RYK: variants seen among roughly 807,000 people sequenced by gnomAD.
The protein encoded by RYK is inactive tyrosine-protein kinase RYK.
In RYK, 21 loss-of-function variants were observed where a neutral mutation model predicts 70.2. That is an observed-to-expected ratio of 0.30 (90% CI 0.21 to 0.43). The LOEUF (loss-of-function observed/expected upper bound fraction) is 0.43, where lower values mean the gene tolerates loss of function less well. Among genes scored for constraint, RYK ranks in the 20% least tolerant of loss-of-function variants. The probability of loss-of-function intolerance (pLI) is 1.00; values close to 1 mark genes in which losing one functional copy is unlikely to be tolerated. For synonymous variants in RYK, 267 were observed against 278.0 expected (o/e 0.96, Z 0.39); for missense variants, 604 against 753.3 (o/e 0.80, Z 2.32).
intron 1 of RYK, among the ~76,000 whole-genome samples, chr3:134,228,875 A>C (rs1051401193): frequency 6.6e-6 from 1 of 152,228 alleles, no homozygotes; most frequent in African/African-American, 2.4e-5. Context: ...TATTATCACA[A>C]AGAAATGATA....
intron 9 of RYK, among the ~76,000 whole-genome samples, chr3:134,183,676 C>T (rs532115520): frequency 1.3e-5 from 2 of 152,244 alleles, no homozygotes; most frequent in East Asian, 3.9e-4. Flanking sequence ...ATATACCTTC[C>T]ATCATCAATC....
At chr3:134,211,743 C>A in intron 2 of RYK, 136 bp from the exon 3 acceptor site, 2 of 627,800 alleles carry the variant, frequency 3.2e-6, no homozygotes, top group Non-Finnish European at 5.5e-6. Context: ...TAAAAAAATG[C>A]AAATTGTCAG....
chr3:134,195,435 T>TTTCTTA, intron 6 of RYK: 1 of 345,628 alleles, frequency 2.9e-6, no homozygotes, highest in South Asian at 3.1e-5. Flanking sequence ...TAGGTACTAG[T>TTTCTTA]GCTCAGACAC....
chr3:134,192,647 G>GA (rs1336053030), intron 7 of RYK, among the ~76,000 whole-genome samples: 4 of 151,794 alleles, frequency 2.6e-5, no homozygotes, highest in East Asian at 3.9e-4. Context: ...TTCACTTCAA[G>GA]AAAAAAAATG....
chr3:134,178,388 A>T (rs1251586777), intron 10 of RYK: 1 of 195,944 alleles, frequency 5.1e-6, no homozygotes, highest in East Asian at 1.4e-4. Context: ...GCAATTAATC[A>T]GAGACATCTA....
At chr3:134,196,039 T>G (rs1291424570) in intron 6 of RYK, among the ~76,000 whole-genome samples, 1 of 152,154 alleles carries the variant, frequency 6.6e-6, no homozygotes, top group Admixed American at 6.5e-5. Flanking sequence ...TTCATCCAAC[T>G]TCTGGGAAAT....
intron 13 of RYK, among the ~76,000 whole-genome samples, chr3:134,168,796 G>T (rs765585245): frequency 4.6e-5 from 7 of 152,016 alleles, no homozygotes; most frequent in Non-Finnish European, 7.4e-5. Flanking sequence ...ATAATAAGAA[G>T]AAGCATCCTC....
chr3:134,240,446 G>A (rs1252803737), intron 1 of RYK, among the ~76,000 whole-genome samples: 1 of 152,084 alleles, frequency 6.6e-6, no homozygotes, highest in Non-Finnish European at 1.5e-5. Flanking sequence ...AAATATAAGG[G>A]AGGGAGTATT....
chr3:134,158,135 T>C lies in RYK; in HGVS notation c.*18A>G. The C allele has an allele frequency of 1.5e-6, 2 of 1,368,772 alleles. No homozygotes were observed. The highest frequency in any genetic ancestry group is 1.9e-6 in the Non-Finnish European group (2 of 1,027,844). 84.8% of individuals were successfully genotyped at this position (1,368,772 alleles called of 1,614,324 possible). A position where few individuals can be genotyped will look rare whatever the true frequency, so the allele number is the denominator to read the frequency against. ...CCGACAGGCACCTTCTTCCTGATGG[T>C]GTGGGATTGGAGAGGAGTCAGACGT... On this transcript the variant is annotated 3_prime_UTR_variant, in exon 15 of 15. Transcript: ENST00000623711.
At chr3:134,198,179 A>C (rs1292364052) in intron 6 of RYK, among the ~76,000 whole-genome samples, 1 of 152,216 alleles carries the variant, frequency 6.6e-6, no homozygotes, top group Non-Finnish European at 1.5e-5. Context: ...AGTCTAAATA[A>C]ATTATCAATC....
intron 13 of RYK, among the ~76,000 whole-genome samples, chr3:134,159,956 G>A (rs1046418994): frequency 5.3e-5 from 8 of 152,242 alleles, no homozygotes; most frequent in African/African-American, 1.9e-4. Context: ...TGGTCCGTTC[G>A]GGGCTCTCCA....
At chr3:134,182,071 C>T (rs888701392) in intron 10 of RYK, among the ~76,000 whole-genome samples, 5 of 151,344 alleles carry the variant, frequency 3.3e-5, no homozygotes, top group Non-Finnish European at 5.9e-5. Context: ...AGGAGAATGG[C>T]GTGAACCAGG....
Position 134,176,171 on chromosome 3 carries a change from C to A in RYK, c.1306-132G>T, listed in dbSNP as rs1016589116. The A allele has an allele frequency of 1.6e-5, 10 of 639,260 alleles. No homozygotes were observed. In the Admixed American group the frequency reaches 2.3e-4, roughly 15 times the overall value. The allele number at this position is 639,260 out of a possible 1,614,324, so 39.6% of individuals were successfully genotyped here. A position where few individuals can be genotyped will look rare whatever the true frequency, so the allele number is the denominator to read the frequency against. ...AACCTACACACAGAATTTTTAAAAG[C>A]TATTTCTTGACCAAGACTATGTTCC... On this transcript the variant is annotated intron_variant, in intron 11 of 14. Transcript: ENST00000623711.
At chr3:134,228,709 G>A (rs1170500332) in intron 1 of RYK, among the ~76,000 whole-genome samples, 1 of 152,158 alleles carries the variant, frequency 6.6e-6, no homozygotes, top group African/African-American at 2.4e-5. Context: ...GAGGCGGGGA[G>A]GGGAAAGTGG....
At chr3:134,231,069 C>T (rs7614434) in intron 1 of RYK, among the ~76,000 whole-genome samples, 131 of 149,898 alleles carry the variant, frequency 8.7e-4, no homozygotes, top group African/African-American at 2.9e-3. Context: ...GTAATAATAA[C>T]AAAAAATAAT....
intron 1 of RYK, among the ~76,000 whole-genome samples, chr3:134,243,352 A>G (rs1257744040): frequency 6.6e-6 from 1 of 152,040 alleles, no homozygotes; most frequent in African/African-American, 2.4e-5. Context: ...CCCTCTTATC[A>G]TCACAAGGTT....
At position 134,183,051 on chromosome 3, in the gene RYK, C is replaced by T. The variant is rs1328169453; in HGVS notation, c.1123G>A (p.Val375Met). ...TVKDQASEIQ[V>M]TMMLTESCKL... Reference sequence around the variant, plus strand: ...CAACTTTCAGTGAGCATCATTGTCACCTGAATTTCAGAAGCTTGATCTATA... The same window carrying T: ...CAACTTTCAGTGAGCATCATTGTCATCTGAATTTCAGAAGCTTGATCTATA... The change falls in exon 10 of 15, where the codon GTG becomes ATG. Residue 375 changes from valine to methionine, a missense_variant. Coordinates refer to ENST00000623711, the MANE Select transcript of RYK (RefSeq NM_002958.4). 1 of 1,587,160 alleles carries T rather than the reference C, an allele frequency of 6.3e-7. No individual in the cohort carries two copies.
In RYK at chr3:134,178,024, T is replaced by C. The variant is rs1338782493; in HGVS notation, c.1222A>G (p.Met408Val). ...HVCIEEGEKP[M>V]VILPYMNWGN... ...CAATTCATGTAAGGCAATATCACCA[T>C]GGGCTTTTCTCCTTCTTCTATACAC... The change falls in exon 11 of 15, where the codon ATG (methionine) becomes GTG (valine). Residue 408 changes from methionine to valine, a missense_variant. This residue lies in a region of RYK where 466 missense variants were observed against 535.9 expected (regional missense o/e 0.87). Transcript: ENST00000623711. The C allele has an allele frequency of 2.5e-6, 4 of 1,606,928 alleles. No homozygotes were observed. In the South Asian group the frequency reaches 3.3e-5, roughly 13 times the overall value.
intron 5 of RYK, among the ~76,000 whole-genome samples, chr3:134,204,591 C>CCACACACACA (rs59154111): frequency 0.025 from 3,518 of 140,716 alleles, 85 homozygotes; most frequent in African/African-American, 0.05. Flanking sequence ...ACAGCCACAG[C>CCACACACACA]CACACACACA....
Sources: gnomAD v4.1 joint callset for allele counts (sites outside exome capture counted in the v4.1 genomes callset) on GRCh38, gnomAD v4.1.1 for gene constraint, gnomAD v4.1.1 regional missense constraint, MANE v1.5 for transcripts, NCBI Gene and HGNC (gene_info 2026-07-23, HGNC 2026-07-21) for gene names.